Variants in TTLL7 observed in about 807,000 individuals in gnomAD.
TTLL7 encodes tubulin tyrosine ligase like 7, also known as tubulin polyglutamylase TTLL7.
A neutral mutation model predicts 120.2 loss-of-function variants in TTLL7; 53 were observed. The observed-to-expected ratio is 0.44, with a 90% CI of 0.35 to 0.55. TTLL7 has a LOEUF of 0.55. Among genes scored for constraint, TTLL7 ranks in the 20% least tolerant of loss-of-function variants. TTLL7 has a pLI of 0.00. For synonymous variants in TTLL7, 353 were observed against 351.7 expected (o/e 1.00, Z -0.04); for missense variants, 803 against 1,054.7 (o/e 0.76, Z 3.31).
At chr1:83,912,848 C>T (rs755036478) in intron 14 of TTLL7, 9 of 152,102 alleles carry the variant, frequency 5.9e-5, no homozygotes, top group Non-Finnish European at 1.3e-4. Context: ...AAAACATTTA[C>T]CAGTAACACA....
chr1:83,935,700 G>A (rs764105596), intron 8 of TTLL7, among the ~76,000 whole-genome samples: 10 of 151,704 alleles, frequency 6.6e-5, no homozygotes, highest in Non-Finnish European at 1.0e-4. Context: ...GAAATTGCCC[G>A]GGTTATTAAA....
chr1:83,944,823 T>G (rs1260338352), intron 6 of TTLL7, among the ~76,000 whole-genome samples: 2 of 152,226 alleles, frequency 1.3e-5, no homozygotes, highest in African/African-American at 4.8e-5. Context: ...TCTATGCTGA[T>G]GGACACAGAA....
intron 1 of TTLL7, among the ~76,000 whole-genome samples, chr1:83,973,169 T>C (rs1035355066): frequency 6.6e-6 from 1 of 152,104 alleles, no homozygotes; most frequent in Non-Finnish European, 1.5e-5. Context: ...CTAAGTTTTC[T>C]CCTACATTAT....
intron 13 of TTLL7, among the ~76,000 whole-genome samples, chr1:83,917,977 C>T (rs1361435962): frequency 6.6e-6 from 1 of 152,062 alleles, no homozygotes; most frequent in Non-Finnish European, 1.5e-5. Flanking sequence ...GAGTATAATA[C>T]TTCAATAAAT....
intron 1 of TTLL7, among the ~76,000 whole-genome samples, chr1:83,956,953 T>C (rs998560773): frequency 6.6e-6 from 1 of 152,246 alleles, no homozygotes; most frequent in African/African-American, 2.4e-5. Context: ...TAAAATTTTG[T>C]ATCAATATAA....
Position 83,956,268 on chromosome 1 carries a change from TTTTA to T in TTLL7, c.-176-3885_-176-3882del, listed in dbSNP as rs200856042. Among the ~76,000 whole-genome samples the T allele has an allele frequency of 9.8e-3, 1,477 of 150,474 alleles. 9 individuals carry two copies. The highest frequency in any genetic ancestry group is 0.017 in the Non-Finnish European group (1,128 of 67,602). On this transcript the variant is annotated intron_variant, in intron 1 of 20. Coordinates refer to ENST00000260505, the MANE Select transcript of TTLL7 (RefSeq NM_024686.6). ...CACCACAACAGGCTTTTATTATTATTTTTATTTATTTATTTATGTATTTATTTAT... is the reference window on the plus strand; with the variant it reads ...CACCACAACAGGCTTTTATTATTATTTTTATTTATTTATGTATTTATTTAT...
At chr1:83,905,713 C>T (rs954047026) in intron 17 of TTLL7, among the ~76,000 whole-genome samples, 2 of 151,886 alleles carry the variant, frequency 1.3e-5, no homozygotes, top group African/African-American at 4.8e-5. Context: ...TGCGCTTTCA[C>T]AAAAATTATC....
intron 1 of TTLL7, among the ~76,000 whole-genome samples, chr1:83,967,730 C>CTAGATAGGT (rs945013637): frequency 6.6e-6 from 1 of 151,980 alleles, no homozygotes; most frequent in African/African-American, 2.4e-5. Flanking sequence ...TGTTCATAAT[C>CTAGATAGGT]TAGATAGGTT....
intron 20 of TTLL7, among the ~76,000 whole-genome samples, chr1:83,872,387 T>C (rs1334131641): frequency 2.0e-5 from 3 of 152,246 alleles, no homozygotes; most frequent in Non-Finnish European, 4.4e-5. Context: ...GGATTAATTA[T>C]TATGTCAACA....
Position 83,977,539 on chromosome 1 carries a change from C to T in TTLL7, c.-177+21392G>A, listed in dbSNP as rs1362738912. On this transcript the variant is annotated intron_variant, in intron 1 of 20. Transcript: ENST00000260505. ...ATGCAGCCTGACTTAACACTATGGG[C>T]CCAGCTATTAGAGTCAAAAGCCAGC... Among the ~76,000 whole-genome samples the T allele has an allele frequency of 2.0e-5, 3 of 151,966 alleles. No homozygotes were observed. The South Asian group carries it at 6.2e-4, about 32-fold the overall frequency.
chr1:83,997,112 T>C (rs1249489070), intron 1 of TTLL7, among the ~76,000 whole-genome samples: 3 of 152,236 alleles, frequency 2.0e-5, no homozygotes, highest in Non-Finnish European at 4.4e-5. Flanking sequence ...CTCCATTTTA[T>C]GTCCTTATTT....
chr1:83,914,164 C>T (rs1657904319), intron 14 of TTLL7, among the ~76,000 whole-genome samples: 1 of 152,094 alleles, frequency 6.6e-6, no homozygotes, highest in Non-Finnish European at 1.5e-5. Context: ...TATCTTATCT[C>T]TTAACCAGGC....
At chr1:83,882,856 T>C in intron 20 of TTLL7, 107 bp downstream of exon 20, 1 of 1,290,516 alleles carries the variant, frequency 7.7e-7, no homozygotes, top group Non-Finnish European at 1.1e-6. Flanking sequence ...TTTCAGTCTT[T>C]AGCTTTTTCT....
At chr1:83,918,147 A>C (rs1658346334) in intron 13 of TTLL7, among the ~76,000 whole-genome samples, 1 of 152,180 alleles carries the variant, frequency 6.6e-6, no homozygotes, top group African/African-American at 2.4e-5. Flanking sequence ...TTCTAATGTG[A>C]GTATTTGCTG....
chr1:83,921,192 C>G, intron 11 of TTLL7, 32 bp from the exon 12 acceptor site: 1 of 1,609,692 alleles, frequency 6.2e-7, no homozygotes, highest in South Asian at 1.1e-5. Context: ...CAAATAAAAT[C>G]CAACAAGTGA....
chr1:83,880,913 A>T (rs1654390299), intron 20 of TTLL7, among the ~76,000 whole-genome samples: 1 of 152,112 alleles, frequency 6.6e-6, no homozygotes. Flanking sequence ...ATGGAACAGA[A>T]CAGAGCCCTC....
chr1:83,894,196 A>G (rs1413940595), intron 18 of TTLL7, among the ~76,000 whole-genome samples: 2 of 152,066 alleles, frequency 1.3e-5, no homozygotes, highest in East Asian at 3.9e-4. Context: ...GTAAGTAATA[A>G]TAGGCCAAAA....
intron 20 of TTLL7, among the ~76,000 whole-genome samples, chr1:83,882,357 C>T (rs1363248526): frequency 6.6e-6 from 1 of 151,560 alleles, no homozygotes; most frequent in East Asian, 1.9e-4. Context: ...TTATTCATCT[C>T]TATTTCTAAT....
At chr1:83,933,873 C>T in intron 8 of TTLL7, 107 bp from the exon 9 acceptor site, 1 of 1,030,530 alleles carries the variant, frequency 9.7e-7, no homozygotes, top group Non-Finnish European at 1.4e-6. Flanking sequence ...TTACAAAGCT[C>T]TGTGGCATCT....
Sources: gnomAD v4.1 joint callset for allele counts (sites outside exome capture counted in the v4.1 genomes callset) on GRCh38, gnomAD v4.1.1 for gene constraint, MANE v1.5 for transcripts, NCBI Gene and HGNC (gene_info 2026-07-23, HGNC 2026-07-21) for gene names.